Variants in C8orf34 observed in about 807,000 individuals in gnomAD.
C8orf34 encodes chromosome 8 open reading frame 34.
C8orf34 carries 65 observed loss-of-function variants against 68.3 expected under a neutral mutation model. The ratio of observed to expected loss-of-function variants is 0.95; its 90% CI spans 0.78 to 1.17. The LOEUF is 1.17. C8orf34 is among the 50% of genes most tolerant of loss of function. The pLI, the probability that C8orf34 is intolerant of heterozygous loss-of-function variation, is 0.00. For missense variants in C8orf34, 664 were observed against 655.4 expected, an observed-to-expected ratio of 1.01 and a Z score of -0.14; for synonymous variants, 244 against 241.2, an observed-to-expected ratio of 1.01 and a Z score of -0.11.
At chr8:68,625,695 G>A (rs1160675658) in intron 7 of C8orf34, 3 of 666,912 alleles carry the variant, frequency 4.5e-6, no homozygotes, top group African/African-American at 1.8e-5. Context: ...CACACCACAA[G>A]GGAGTGTGAG....
chr8:68,388,854 C>T (rs1808366478), intron 1 of C8orf34, among the ~76,000 whole-genome samples: 1 of 151,988 alleles, frequency 6.6e-6, no homozygotes, highest in Non-Finnish European at 1.5e-5. Flanking sequence ...TTTCTGTTTC[C>T]CAACATGCTG....
At chr8:68,766,426 A>G (rs1356943752) in intron 10 of C8orf34, among the ~76,000 whole-genome samples, 1 of 152,242 alleles carries the variant, frequency 6.6e-6, no homozygotes, top group Non-Finnish European at 1.5e-5. Flanking sequence ...AGTGAAATCT[A>G]TTGATTTTTT....
Position 68,774,331 on chromosome 8 carries a change from GTA to G in C8orf34, c.1405-2051_1405-2050del, listed in dbSNP as rs550713780. 4.4e-4 allele frequency among the ~76,000 whole-genome samples: 48 copies of G among 108,752 alleles called. 1 individual carries two copies. Among genetic ancestry groups the G allele is most frequent in the African/African-American group, 4.8e-4 (13 of 27,128 alleles). 71.3% of individuals were successfully genotyped at this position (108,752 alleles called of 152,430 possible). On this transcript the variant is annotated intron_variant, in intron 10 of 13. Transcript: ENST00000518698. Reference sequence around the variant, plus strand: ...TATGTATAAAAATATGGGTGTGTGTGTATATATATATATATATAAAATAAACA... The same window carrying G: ...TATGTATAAAAATATGGGTGTGTGTGTATATATATATATATAAAATAAACA...
chr8:68,533,286 A>T, intron 7 of C8orf34, 137 bp downstream of exon 7: 1 of 1,395,990 alleles, frequency 7.2e-7, no homozygotes, highest in Non-Finnish European at 9.3e-7. Context: ...TTTTATTTAC[A>T]TTAGACTCAC....
intron 7 of C8orf34, among the ~76,000 whole-genome samples, chr8:68,640,128 G>A (rs183769383): frequency 1.1e-4 from 17 of 152,234 alleles, no homozygotes; most frequent in Admixed American, 8.5e-4. Context: ...GGTCATAAGT[G>A]CTCTGCCCAC....
chr8:68,768,355 G>A (rs1264956490), intron 10 of C8orf34, among the ~76,000 whole-genome samples: 1 of 152,148 alleles, frequency 6.6e-6, no homozygotes, highest in Non-Finnish European at 1.5e-5. Flanking sequence ...TTATTTTAGT[G>A]AGAAGTGATA....
chr8:68,475,088 C>G (rs1812548937), intron 4 of C8orf34, among the ~76,000 whole-genome samples: 1 of 152,136 alleles, frequency 6.6e-6, no homozygotes, highest in African/African-American at 2.4e-5. Flanking sequence ...GCACCGCACT[C>G]CCTCGAGGTT....
intron 1 of C8orf34, among the ~76,000 whole-genome samples, chr8:68,345,280 C>G (rs1267949582): frequency 6.6e-6 from 1 of 151,802 alleles, no homozygotes; most frequent in African/African-American, 2.4e-5. Context: ...TTGCTAGTAT[C>G]TGAAACAATA....
intron 3 of C8orf34, among the ~76,000 whole-genome samples, chr8:68,452,343 C>G (rs986621787): frequency 2.6e-5 from 4 of 151,314 alleles, no homozygotes; most frequent in Admixed American, 6.6e-5. Context: ...TTCAAAGAAG[C>G]TGCACCATTT....
intron 4 of C8orf34, among the ~76,000 whole-genome samples, chr8:68,484,398 A>G (rs1192431113): frequency 1.3e-5 from 2 of 152,124 alleles, no homozygotes; most frequent in Non-Finnish European, 2.9e-5. Flanking sequence ...CTGATAGGAT[A>G]TTTCCTTTAA....
intron 1 of C8orf34, among the ~76,000 whole-genome samples, chr8:68,342,994 A>G (rs1806133121): frequency 6.6e-6 from 1 of 152,228 alleles, no homozygotes; most frequent in Non-Finnish European, 1.5e-5. Context: ...AAATTTGTGT[A>G]TAAGTAGAGT....
At chr8:68,654,363 C>T (rs1183137339) in intron 8 of C8orf34, among the ~76,000 whole-genome samples, 1 of 152,160 alleles carries the variant, frequency 6.6e-6, no homozygotes, top group Non-Finnish European at 1.5e-5. Context: ...TTTCTCAGTA[C>T]TTTTAGATGA....
chr8:68,632,444 A>C (rs1818718169), intron 7 of C8orf34, among the ~76,000 whole-genome samples: 1 of 152,202 alleles, frequency 6.6e-6, no homozygotes, highest in Non-Finnish European at 1.5e-5. Context: ...GCAGACCGTA[A>C]AAGTTTGAAA....
At chr8:68,487,177 G>T (rs1265537440) in intron 4 of C8orf34, among the ~76,000 whole-genome samples, 4 of 152,136 alleles carry the variant, frequency 2.6e-5, no homozygotes, top group African/African-American at 9.7e-5. Context: ...CAAAGGTATG[G>T]GGTAGATTAT....
intron 7 of C8orf34, among the ~76,000 whole-genome samples, chr8:68,542,161 C>T (rs147901386): frequency 3.0e-3 from 458 of 152,204 alleles, no homozygotes; most frequent in African/African-American, 9.7e-3. Context: ...CTTGTAGAAA[C>T]GTACAACTTG....
intron 9 of C8orf34, among the ~76,000 whole-genome samples, chr8:68,720,579 T>A (rs1821641396): frequency 6.6e-6 from 1 of 151,168 alleles, no homozygotes; most frequent in African/African-American, 2.5e-5. Context: ...TGGTTTAAAA[T>A]ACCTTTCTCT....
intron 3 of C8orf34, among the ~76,000 whole-genome samples, chr8:68,458,410 G>A (rs1811642410): frequency 1.3e-5 from 2 of 152,030 alleles, no homozygotes; most frequent in South Asian, 4.1e-4. Flanking sequence ...GGGAACCTAG[G>A]CTGTGTCTGG....
chr8:68,396,907 G>A (rs1607143), intron 1 of C8orf34, among the ~76,000 whole-genome samples: 94,845 of 151,536 alleles, frequency 0.63, 29,740 homozygotes, highest in African/African-American at 0.68. Flanking sequence ...TGAGCCAACT[G>A]AACTCTTATA....
chr8:68,676,638 C>CA (rs1283549129), intron 8 of C8orf34, among the ~76,000 whole-genome samples: 1 of 152,110 alleles, frequency 6.6e-6, no homozygotes, highest in Non-Finnish European at 1.5e-5. Flanking sequence ...TTCCTCAGTT[C>CA]AAGGATAGAC....
Sources: allele counts gnomAD v4.1 joint callset (sites outside exome capture counted in the v4.1 genomes callset), GRCh38; gene constraint gnomAD v4.1.1; transcripts MANE v1.5; gene names NCBI Gene and HGNC (gene_info 2026-07-23, HGNC 2026-07-21).